COL4A3: variants seen among roughly 807,000 people sequenced by gnomAD.
COL4A3 encodes collagen alpha-3(IV) chain.
In COL4A3, 135 loss-of-function variants were observed where a neutral mutation model predicts 217.4. The observed-to-expected ratio is 0.62, with a 90% confidence interval of 0.54 to 0.72. The LOEUF is 0.72. COL4A3 is among the 30% of genes least tolerant of loss of function. COL4A3 has a pLI of 0.00. For missense variants in COL4A3, 1,868 were observed against 2,119.9 expected, an observed-to-expected ratio of 0.88 and a Z score of 2.33; for synonymous variants, 690 against 736.3, an observed-to-expected ratio of 0.94 and a Z score of 1.02.
At chr2:227,257,519 T>C in intron 17 of COL4A3, 84 bp from the exon 18 acceptor site, 3 of 1,099,234 alleles carry the variant, frequency 2.7e-6, no homozygotes, top group Non-Finnish European at 4.2e-6. Context: ...CAATATATTG[T>C]TCATTTTAAC....
intron 3 of COL4A3, among the ~76,000 whole-genome samples, chr2:227,240,449 G>C (rs1392096173): frequency 6.6e-6 from 1 of 152,156 alleles, no homozygotes; most frequent in African/African-American, 2.4e-5. Flanking sequence ...TGTGGCTCCA[G>C]TTCATCTCCC....
At chr2:227,239,841 A>AT (rs1413123377) in intron 2 of COL4A3, among the ~76,000 whole-genome samples, 2 of 151,932 alleles carry the variant, frequency 1.3e-5, no homozygotes, top group African/African-American at 2.4e-5. Flanking sequence ...TTTCCCTTTC[A>AT]TTTTTTATTC....
rs947380793 is a variant in COL4A3 at position 227,313,782 on chromosome 2, G to A, written c.*1912G>A. 1.8e-4 allele frequency: 28 copies of A among 152,280 alleles called. 2 individuals are homozygous for A. Among genetic ancestry groups the A allele is most frequent in the Non-Finnish European group, 2.9e-5 (2 of 68,042 alleles). 9.4% of individuals were successfully genotyped at this position (152,280 alleles called of 1,614,324 possible). A position where few individuals can be genotyped will look rare whatever the true frequency, so the allele number is the denominator to read the frequency against. On this transcript the variant is annotated 3_prime_UTR_variant, in exon 52 of 52. Coordinates refer to ENST00000396578, the MANE Select transcript of COL4A3 (RefSeq NM_000091.5). ...TTAAAAATGTCTTATTGTCCCAAGT[G>A]TACTATAGCGGCATATAGAGCTAGC...
At chr2:227,294,065 G>A (rs770902994) in intron 38 of COL4A3, 6 of 286,740 alleles carry the variant, frequency 2.1e-5, no homozygotes, top group Admixed American at 1.0e-4. Flanking sequence ...ACCCATTTCT[G>A]GATTGAATTT....
At position 227,289,234 on chromosome 2, in the gene COL4A3, C is replaced by T. The variant is rs748243984; in HGVS notation, c.2966C>T (p.Pro989Leu). 2 of 1,613,394 alleles carry T rather than the reference C, an allele frequency of 1.2e-6. No individual in the cohort carries two copies. The highest frequency in any genetic ancestry group is 2.2e-5 in the East Asian group (1 of 44,880). Residue 989 changes from proline (P) to leucine (L), a missense_variant, in exon 35 of 52, where the codon CCA (proline) becomes CTA (leucine). Pro to Leu is a moderately conservative substitution (Grantham distance 98). Transcript: ENST00000396578. ...AAGGGCCTCAAAGGACTACCCGGACCAGCAGGACCACCAGGTACAGCTGAT... is the reference window on the plus strand; with the variant it reads ...AAGGGCCTCAAAGGACTACCCGGACTAGCAGGACCACCAGGTACAGCTGAT... ...GLKGLKGLPG[P>L]AGPPGPRGDL...
In COL4A3 at chr2:227,180,402, G is replaced by A. The variant is rs148411355; in HGVS notation, c.87+15589G>A. 4.9e-3 allele frequency among the ~76,000 whole-genome samples: 746 copies of A among 152,270 alleles called. 2 individuals carry two copies. The highest frequency in any genetic ancestry group is 0.017 in the African/African-American group (716 of 41,556). On this transcript the variant is annotated intron_variant, in intron 1 of 51. Transcript: ENST00000396578. ...TGCCTGGGACTGTGCCCACGAAACC[G>A]TTCAGAGCTTCTACTCGCTGTGACC...
At chr2:227,307,965 A>ATT (rs2073581789) in intron 48 of COL4A3, 46 bp downstream of exon 48, 2 of 1,541,680 alleles carry the variant, frequency 1.3e-6, no homozygotes, top group Non-Finnish European at 1.8e-6. Flanking sequence ...CCACATGCAG[A>ATT]TTGTAAATCT....
chr2:227,257,440 C>G (rs1169199434), intron 17 of COL4A3, among the ~76,000 whole-genome samples, 163 bp from the exon 18 acceptor site: 2 of 152,200 alleles, frequency 1.3e-5, no homozygotes, highest in Non-Finnish European at 2.9e-5. Flanking sequence ...GATACGCGCT[C>G]TCCAGGAAAA....
At chr2:227,213,658 C>G (rs772644585) in intron 1 of COL4A3, among the ~76,000 whole-genome samples, 4 of 152,076 alleles carry the variant, frequency 2.6e-5, no homozygotes, top group Non-Finnish European at 4.4e-5. Flanking sequence ...AGTCCCAGCA[C>G]TTTGGGAGGC....
Position 227,244,993 on chromosome 2 carries a change from C to A in COL4A3, c.322C>A (p.Pro108Thr). The change falls in exon 5 of 52, where the codon CCA becomes ACA. Residue 108 changes from proline (P) to threonine (T), a missense_variant and splice_region_variant. Around this residue, in one of 2 missense-constraint regions of COL4A3, gnomAD observed 365 missense variants for 333.8 expected, o/e 1.09. Transcript: ENST00000396578. Reference protein sequence around the residue: ...LPGFSGSPGLPGTPGNTGPYG... With the variant: ...LPGFSGSPGLTGTPGNTGPYG... The stretch of plus-strand genomic sequence containing the variant: ...AGGATTTTCTGGTTCTCCTGGACTT[C>A]CAGTAAGTAATGGGAAAAATCCGTA... The A allele has an allele frequency of 6.2e-7, 1 of 1,612,102 alleles. No homozygotes were observed. The highest frequency in any genetic ancestry group is 1.3e-5 in the African/African-American group (1 of 74,722).
chr2:227,289,930 C>G lies in COL4A3; in HGVS notation c.2981-69C>G, dbSNP rs545561694. ...TGCATTCATTCATGCATGCAAGCAACAAGTATTTATTAAACACATACTATG... is the reference window on the plus strand; with the variant it reads ...TGCATTCATTCATGCATGCAAGCAAGAAGTATTTATTAAACACATACTATG... On this transcript the variant is annotated intron_variant, in intron 35 of 51. Transcript: ENST00000396578. 6 of 1,465,420 alleles carry G rather than the reference C, an allele frequency of 4.1e-6. No individual in the cohort carries two copies. In the South Asian group the frequency reaches 7.0e-5, roughly 17 times the overall value. 90.8% of individuals were successfully genotyped at this position (1,465,420 alleles called of 1,614,324 possible). A position where few individuals can be genotyped will look rare whatever the true frequency, so the allele number is the denominator to read the frequency against.
intron 34 of COL4A3, among the ~76,000 whole-genome samples, chr2:227,285,171 TTTTGAGATA>T (rs1436538178): frequency 1.3e-5 from 2 of 150,716 alleles, no homozygotes; most frequent in Non-Finnish European, 2.9e-5. Context: ...CCATGTTAAG[TTTTGAGATA>T]TTTGAAATGA....
At chr2:227,195,082 A>C (rs1006594336) in intron 1 of COL4A3, among the ~76,000 whole-genome samples, 3 of 152,180 alleles carry the variant, frequency 2.0e-5, no homozygotes, top group Non-Finnish European at 4.4e-5. Flanking sequence ...GTTATAAGTG[A>C]ATTTTTTTCA....
At chr2:227,172,580 TC>T (rs1252918013) in intron 1 of COL4A3, among the ~76,000 whole-genome samples, 2,077 of 121,204 alleles carry the variant, frequency 0.017, 38 homozygotes, top group Non-Finnish European at 0.028. Context: ...TTCGTCTTCT[TC>T]TTTTTTTTTT....
intron 34 of COL4A3, 116 bp downstream of exon 34, chr2:227,284,461 C>T: frequency 8.4e-7 from 1 of 1,193,654 alleles, no homozygotes; most frequent in Non-Finnish European, 1.2e-6. Context: ...TGTTTAGTTA[C>T]CTGCCCATCA....
chr2:227,279,538 T>G (rs925490144), intron 28 of COL4A3: 51 of 489,920 alleles, frequency 1.0e-4, no homozygotes, highest in African/African-American at 9.8e-4. Flanking sequence ...TCAACCAGCA[T>G]CAGTGGTTTG....
rs538971656 is a variant in COL4A3, at chr2:227,234,164, T to C, written c.88-3804T>C. 6.6e-5 allele frequency among the ~76,000 whole-genome samples: 10 copies of C among 151,920 alleles called. No individual in the cohort carries two copies. The South Asian group carries it at 1.9e-3, about 28-fold the overall frequency. ...TTTTGAATGATTTGGGGGAAAGTGG[T>C]GTATGTGTATGTGGAGAGAGAGAAA... On this transcript the variant is annotated intron_variant, in intron 1 of 51. Transcript: ENST00000396578.
chr2:227,238,082 C>G, intron 2 of COL4A3, 58 bp downstream of exon 2: 1 of 1,112,276 alleles, frequency 9.0e-7, no homozygotes, highest in Non-Finnish European at 1.4e-6. Context: ...AGGTAAAACT[C>G]AACCTTCTTC....
At position 227,310,832 on chromosome 2, in the gene COL4A3, C is replaced by T. The variant is rs1064796314; in HGVS notation, c.4812C>T (p.Cys1604=). 1.2e-6 allele frequency: 2 copies of T among 1,614,042 alleles called. No individual in the cohort carries two copies. Among genetic ancestry groups the T allele is most frequent in the East Asian group, 4.5e-5 (2 of 44,900 alleles). The stretch of plus-strand genomic sequence containing the variant: ...AAGCACTGGCCTCCCCTGGCTCCTG[C>T]CTGGAAGAATTCCGAGCCAGCCCAT... ...TGQALASPGS[C]LEEFRASPFL... is the part of the protein sequence containing the mutation. Residue 1604 remains cysteine, a synonymous_variant, in exon 51 of 52, where the codon TGC becomes TGT. Coordinates refer to ENST00000396578, the MANE Select transcript of COL4A3 (RefSeq NM_000091.5).
Sources: gnomAD v4.1 joint callset for allele counts (sites outside exome capture counted in the v4.1 genomes callset) on GRCh38, gnomAD v4.1.1 for gene constraint, gnomAD v4.1.1 regional missense constraint, MANE v1.5 for transcripts, NCBI Gene and HGNC (gene_info 2026-07-23, HGNC 2026-07-21) for gene names.